NCAM2: variants seen among roughly 807,000 people sequenced by gnomAD.
The protein encoded by NCAM2 is neural cell adhesion molecule 2.
Under a neutral mutation model 98.1 loss-of-function variants are expected in NCAM2, and 30 were observed. The ratio of observed to expected loss-of-function variants is 0.31; its 90% CI spans 0.23 to 0.41. The LOEUF (loss-of-function observed/expected upper bound fraction) is 0.41. Ranked by LOEUF, NCAM2 falls within the 10% of genes least tolerant of loss-of-function variation. The pLI, the probability that NCAM2 is intolerant of heterozygous loss-of-function variation, is 1.00. For synonymous variants in NCAM2, 368 were observed against 342.4 expected (o/e 1.07, Z -0.83); for missense variants, 867 against 1,005.8 (o/e 0.86, Z 1.87).
chr21:21,016,805 T>C (rs772925215), intron 1 of NCAM2, among the ~76,000 whole-genome samples: 4 of 152,106 alleles, frequency 2.6e-5, no homozygotes, highest in Non-Finnish European at 4.4e-5. Flanking sequence ...TTGCCGCAGG[T>C]CACGTAGCTA....
chr21:21,238,662 C>T (rs1215872647), intron 1 of NCAM2, among the ~76,000 whole-genome samples: 1 of 151,940 alleles, frequency 6.6e-6, no homozygotes, highest in Non-Finnish European at 1.5e-5. Context: ...TTAACTCAGG[C>T]CTACATCAGA....
At chr21:21,395,312 A>G (rs1030744097) in intron 9 of NCAM2, among the ~76,000 whole-genome samples, 7 of 152,318 alleles carry the variant, frequency 4.6e-5, no homozygotes, top group African/African-American at 1.7e-4. Flanking sequence ...CCTGGCCCAC[A>G]GCCGGGACAG....
rs553961345 is a variant in NCAM2, at chr21:21,143,701, G to A, written c.56-136877G>A. ...TACTATGCTGTTTTTCTATTTTGGC[G>A]CCTTGGTTTTTCCATCTCTTCATGC... On this transcript the variant is annotated intron_variant, in intron 1 of 17. Transcript: ENST00000400546. Among the ~76,000 whole-genome samples the A allele has an allele frequency of 6.7e-5, 10 of 150,244 alleles. 1 individual carries two copies. The South Asian group carries it at 1.3e-3, about 19-fold the overall frequency.
chr21:21,098,160 TGTTA>T (rs150200038), intron 1 of NCAM2, among the ~76,000 whole-genome samples: 5,581 of 151,258 alleles, frequency 0.037, 130 homozygotes, highest in Non-Finnish European at 0.044. Flanking sequence ...TTTAAACTAT[TGTTA>T]GTTAATTATT....
chr21:21,438,194 A>G (rs138823694), intron 12 of NCAM2, among the ~76,000 whole-genome samples: 2 of 152,026 alleles, frequency 1.3e-5, no homozygotes, highest in Admixed American at 1.3e-4. Flanking sequence ...TAGTAAATAT[A>G]TATGATTTTG....
intron 15 of NCAM2, among the ~76,000 whole-genome samples, chr21:21,485,762 A>G (rs1164752857): frequency 1.3e-5 from 2 of 152,184 alleles, no homozygotes; most frequent in African/African-American, 4.8e-5. Flanking sequence ...TGGTAAATCA[A>G]ATGATTGGGT....
intron 1 of NCAM2, among the ~76,000 whole-genome samples, chr21:21,162,925 TAG>T (rs948546903): frequency 6.6e-6 from 1 of 152,162 alleles, no homozygotes; most frequent in Non-Finnish European, 1.5e-5. Context: ...GTTTGCCACT[TAG>T]AAGAAATTTG....
intron 12 of NCAM2, among the ~76,000 whole-genome samples, chr21:21,436,873 T>G (rs1026956977): frequency 6.6e-6 from 1 of 151,838 alleles, no homozygotes; most frequent in Non-Finnish European, 1.5e-5. Flanking sequence ...GCGATTCTCG[T>G]GCCTCAGCCT....
chr21:21,233,973 A>G (rs2826744), intron 1 of NCAM2, among the ~76,000 whole-genome samples: 1 of 151,748 alleles, frequency 6.6e-6, no homozygotes, highest in African/African-American at 2.4e-5. Context: ...GTTTATCAGT[A>G]GGTATATACA....
intron 1 of NCAM2, among the ~76,000 whole-genome samples, chr21:21,025,452 A>G (rs1228943528): frequency 1.3e-5 from 2 of 152,160 alleles, no homozygotes; most frequent in Non-Finnish European, 2.9e-5. Context: ...CATTTCTAAG[A>G]TAGTGAGTGT....
intron 11 of NCAM2, among the ~76,000 whole-genome samples, chr21:21,425,201 A>C (rs1338799582): frequency 6.6e-6 from 1 of 152,108 alleles, no homozygotes; most frequent in African/African-American, 2.4e-5. Flanking sequence ...ACATAGAATA[A>C]AATGTACGTA....
At chr21:21,378,052 T>C (rs1455014250) in intron 9 of NCAM2, among the ~76,000 whole-genome samples, 1 of 152,056 alleles carries the variant, frequency 6.6e-6, no homozygotes, top group African/African-American at 2.4e-5. Context: ...CCACTGTGTA[T>C]CTATACCACA....
chr21:21,214,377 T>C (rs1370651051), intron 1 of NCAM2, among the ~76,000 whole-genome samples: 2 of 152,146 alleles, frequency 1.3e-5, no homozygotes, highest in Admixed American at 1.3e-4. Context: ...GAAGCACTTA[T>C]TAAATTTTGC....
At chr21:21,332,230 G>C (rs1189493306) in intron 6 of NCAM2, among the ~76,000 whole-genome samples, 2 of 152,064 alleles carry the variant, frequency 1.3e-5, no homozygotes, top group African/African-American at 4.8e-5. Flanking sequence ...TTGGGTTCCA[G>C]ACATTCAGAA....
chr21:21,436,030 A>T (rs776459891), intron 12 of NCAM2, among the ~76,000 whole-genome samples: 30 of 152,342 alleles, frequency 2.0e-4, no homozygotes, highest in Admixed American at 5.2e-4. Context: ...TCTGGCACTT[A>T]TTCTTTCTTT....
chr21:21,067,410 A>G (rs2065463481), intron 1 of NCAM2, among the ~76,000 whole-genome samples: 1 of 152,160 alleles, frequency 6.6e-6, no homozygotes, highest in African/African-American at 2.4e-5. Context: ...TGACATATAT[A>G]GACAAATAAT....
chr21:21,531,589 T>C (rs1989699150), intron 16 of NCAM2, among the ~76,000 whole-genome samples: 1 of 152,130 alleles, frequency 6.6e-6, no homozygotes, highest in South Asian at 2.1e-4. Context: ...TCCTATTTAA[T>C]AGTAAGTTCT....
At chr21:21,469,864 C>T (rs1984205870) in intron 14 of NCAM2, among the ~76,000 whole-genome samples, 1 of 151,938 alleles carries the variant, frequency 6.6e-6, no homozygotes, top group Non-Finnish European at 1.5e-5. Flanking sequence ...GTGAGGTCTC[C>T]TGGCCATTCT....
intron 9 of NCAM2, among the ~76,000 whole-genome samples, chr21:21,400,662 T>C (rs1399173955): frequency 6.6e-6 from 1 of 151,476 alleles, no homozygotes. Context: ...CTTGGCTCAC[T>C]GCAACCTCCA....
Sources: allele counts gnomAD v4.1 joint callset (sites outside exome capture counted in the v4.1 genomes callset), GRCh38; gene constraint gnomAD v4.1.1; transcripts MANE v1.5; gene names NCBI Gene and HGNC (gene_info 2026-07-23, HGNC 2026-07-21).